Variants in CYFIP1 observed in about 807,000 individuals in gnomAD.
The protein encoded by CYFIP1 is cytoplasmic FMR1 interacting protein 1.
CYFIP1 carries 58 observed loss-of-function variants against 163.5 expected under a neutral mutation model. The observed-to-expected ratio is 0.35, with a 90% CI of 0.29 to 0.44. CYFIP1 has a LOEUF of 0.44. Among genes scored for constraint, CYFIP1 ranks in the 20% least tolerant of loss-of-function variants. The pLI is 1.00. For missense variants in CYFIP1, 1,338 were observed against 1,653.8 expected (o/e 0.81, Z 3.31); for synonymous variants, 663 against 660.7 (o/e 1.00, Z -0.05).
intron 9 of CYFIP1, among the ~76,000 whole-genome samples, chr15:22,936,010 G>A (rs1376553191): frequency 1.3e-5 from 2 of 152,170 alleles, no homozygotes; most frequent in Non-Finnish European, 2.9e-5. Flanking sequence ...AGTGGCTCAG[G>A]CCTGTAATCT....
rs772758445 is a variant in CYFIP1, at chr15:22,879,895, C to T, written c.3042+18G>A. 22 of 1,601,226 alleles carry T rather than the reference C, an allele frequency of 1.4e-5. No homozygotes were observed. In the East Asian group the frequency reaches 2.3e-4, roughly 16 times the overall value. On this transcript the variant is annotated intron_variant, in intron 26 of 30. Transcript: ENST00000617928. ...GGTGGGCTGGGGCGGGGAGGGGCGG[C>T]GTTGGGGGGCCACTCACCAGGCTCT...
At chr15:22,899,282 T>C (rs973230972) in intron 22 of CYFIP1, among the ~76,000 whole-genome samples, 1 of 152,146 alleles carries the variant, frequency 6.6e-6, no homozygotes, top group Non-Finnish European at 1.5e-5. Context: ...AACTCTGCAG[T>C]GCTGAAATGG....
intron 11 of CYFIP1, among the ~76,000 whole-genome samples, chr15:22,929,184 C>A (rs1159398602): frequency 6.7e-6 from 1 of 149,774 alleles, no homozygotes; most frequent in Non-Finnish European, 1.5e-5. Context: ...CCCGCCATCA[C>A]ACGCCATCCA....
intron 1 of CYFIP1, among the ~76,000 whole-genome samples, chr15:22,949,738 T>TA (rs2062186581): frequency 6.6e-6 from 1 of 151,946 alleles, no homozygotes; most frequent in South Asian, 2.1e-4. Flanking sequence ...CTGGATGGGG[T>TA]AAGATTTCTA....
intron 1 of CYFIP1, among the ~76,000 whole-genome samples, chr15:22,973,311 CAAAAAAAAAAAAAA>C (rs397761069): frequency 2.8e-5 from 2 of 71,788 alleles, no homozygotes; most frequent in Admixed American, 1.9e-4. Context: ...GAGACCTTGT[CAAAAAAAAAAAAAA>C]AAAAAAAAAA....
intron 17 of CYFIP1, among the ~76,000 whole-genome samples, chr15:22,913,323 G>A (rs1386115801): frequency 6.6e-6 from 1 of 151,382 alleles, no homozygotes; most frequent in Non-Finnish European, 1.5e-5. Context: ...GAGGTCAGGA[G>A]TTCGAGACCA....
intron 22 of CYFIP1, among the ~76,000 whole-genome samples, chr15:22,895,696 G>A (rs887483653): frequency 6.6e-6 from 1 of 152,218 alleles, no homozygotes; most frequent in Admixed American, 6.5e-5. Flanking sequence ...GCCTGGGGCT[G>A]TGTGCCTGGT....
chr15:22,932,955 C>T (rs1489823301), intron 10 of CYFIP1, among the ~76,000 whole-genome samples: 3 of 152,094 alleles, frequency 2.0e-5, no homozygotes, highest in Non-Finnish European at 4.4e-5. Flanking sequence ...ACCTCAGCCT[C>T]CTGAGTAGCT....
At chr15:22,925,798 C>A (rs2061337462) in intron 13 of CYFIP1, among the ~76,000 whole-genome samples, 184 bp downstream of exon 13, 1 of 152,148 alleles carries the variant, frequency 6.6e-6, no homozygotes, top group African/African-American at 2.4e-5. Context: ...TCAGTGCAGA[C>A]CCAGGACCGA....
Position 22,926,085 on chromosome 15 carries a change from G to A in CYFIP1, c.1256C>T (p.Pro419Leu). 1.9e-6 allele frequency: 3 copies of A among 1,614,150 alleles called. No homozygotes were observed. Among genetic ancestry groups the A allele is most frequent in the South Asian group, 1.1e-5 (1 of 91,080 alleles). The change falls in exon 13 of 31, where the codon CCC (proline) becomes CTC (leucine). Residue 419 changes from proline to leucine, a missense_variant. This residue lies in a region of CYFIP1 where 824 missense variants were observed against 995.7 expected (regional missense o/e 0.83). Transcript: ENST00000617928. The stretch of plus-strand genomic sequence containing the variant: ...GTCCTTGTTGGAGTACTTGTCGGTG[G>A]GGTGCACAAGCTTCCAGGAATACTG... The part of the protein sequence containing the change: ...MEVYSWKLVH[P>L]TDKYSNKDCP...
intron 1 of CYFIP1, among the ~76,000 whole-genome samples, chr15:22,961,204 T>C (rs1243393891): frequency 1.3e-5 from 2 of 151,776 alleles, no homozygotes; most frequent in Non-Finnish European, 2.9e-5. Context: ...GTATTTTTAG[T>C]AGAGACGGGG....
rs775909947 is a variant in CYFIP1 at position 22,903,921 on chromosome 15, CAG to C, written c.2389-18_2389-17del. ...CATCCAGCTCCTGTGGCACCAAAGA[CAG>C]GGGTGGGTGACAGAGCTGGTCCAGG... On this transcript the variant is annotated splice_polypyrimidine_tract_variant and intron_variant, in intron 21 of 30. Transcript: ENST00000617928. 12 of 1,612,468 alleles carry C rather than the reference CAG, an allele frequency of 7.4e-6. No individual in the cohort carries two copies. The highest frequency in any genetic ancestry group is 4.5e-5 in the East Asian group (2 of 44,862).
chr15:22,884,428 C>A (rs1184859465), intron 23 of CYFIP1, among the ~76,000 whole-genome samples: 2 of 152,202 alleles, frequency 1.3e-5, no homozygotes, highest in Non-Finnish European at 2.9e-5. Context: ...TCCAGTGGGG[C>A]AGTCATTAAA....
At position 22,917,318 on chromosome 15, in the gene CYFIP1, G is replaced by T; in HGVS notation, c.1674+470C>A. The T allele has an allele frequency of 7.6e-7, 1 of 1,314,734 alleles. No individual in the cohort carries two copies. Among genetic ancestry groups the T allele is most frequent in the Non-Finnish European group, 9.7e-7 (1 of 1,035,124 alleles). 81.4% of individuals were successfully genotyped at this position (1,314,734 alleles called of 1,614,324 possible). On this transcript the variant is annotated intron_variant, in intron 15 of 30. Transcript: ENST00000617928. The surrounding 1 kb of genome is among the most constrained non-coding windows in gnomAD (Gnocchi z 4.2). The stretch of plus-strand genomic sequence containing the variant: ...CAGCGGTGTGGATTAAACCGGGTGT[G>T]AAAGTCGTGAGAAGCACCTCGGGGA...
chr15:22,909,172 A>T (rs762078125), intron 21 of CYFIP1, 22 bp downstream of exon 21: 1 of 1,613,198 alleles, frequency 6.2e-7, no homozygotes, highest in Non-Finnish European at 8.5e-7. Context: ...ATTTATCAAT[A>T]GGGCAAAGTG....
intron 14 of CYFIP1, among the ~76,000 whole-genome samples, chr15:22,918,490 G>A (rs1013181946): frequency 3.3e-5 from 5 of 152,140 alleles, no homozygotes; most frequent in East Asian, 1.9e-4. Context: ...CTAGACACTC[G>A]GCAGCTGACT....
intron 21 of CYFIP1, among the ~76,000 whole-genome samples, chr15:22,905,606 T>C (rs116264768): frequency 0.013 from 1,959 of 151,276 alleles, 51 homozygotes; most frequent in African/African-American, 0.045. Flanking sequence ...GCCTGGTTAA[T>C]TTATTGTATT....
At chr15:22,976,795 C>T (rs1050751815) in intron 1 of CYFIP1, among the ~76,000 whole-genome samples, 2 of 152,148 alleles carry the variant, frequency 1.3e-5, no homozygotes, top group Non-Finnish European at 2.9e-5. Context: ...TCCATTGGAA[C>T]GTATCGTCCA....
intron 22 of CYFIP1, among the ~76,000 whole-genome samples, chr15:22,901,756 T>G (rs1320335270): frequency 6.6e-6 from 1 of 152,220 alleles, no homozygotes; most frequent in African/African-American, 2.4e-5. Context: ...GGCATGGGAC[T>G]AAAATTCCGG....
Sources: allele counts gnomAD v4.1 joint callset (sites outside exome capture counted in the v4.1 genomes callset), GRCh38; gene constraint gnomAD v4.1.1; regional missense constraint gnomAD v4.1.1; non-coding constraint Gnocchi (gnomAD v3.1); transcripts MANE v1.5; gene names NCBI Gene and HGNC (gene_info 2026-07-23, HGNC 2026-07-21).